The following PAX5 variants were observed in gnomAD, a reference collection of about 807,000 sequenced individuals.
PAX5 encodes paired box 5.
A neutral mutation model predicts 43.7 loss-of-function variants in PAX5; 9 were observed. The ratio of observed to expected loss-of-function variants is 0.21; its 90% CI spans 0.12 to 0.36. The LOEUF (loss-of-function observed/expected upper bound fraction) is 0.36, where lower values mean the gene tolerates loss of function less well. Among genes scored for constraint, PAX5 ranks in the 10% least tolerant of loss-of-function variants. The pLI is 1.00. For synonymous variants in PAX5, 228 were observed against 214.3 expected (o/e 1.06, Z -0.56); for missense variants, 383 against 532.7 (o/e 0.72, Z 2.77).
intron 5 of PAX5, among the ~76,000 whole-genome samples, chr9:36,973,108 A>C (rs12554970): frequency 0.012 from 1,030 of 83,598 alleles, 13 homozygotes; most frequent in African/African-American, 0.055. Context: ...AGGAAAGGAA[A>C]GGAAAGGAAA....
intron 6 of PAX5, among the ~76,000 whole-genome samples, chr9:36,955,178 C>T (rs1403752699): frequency 6.6e-6 from 1 of 152,040 alleles, no homozygotes; most frequent in Non-Finnish European, 1.5e-5. Context: ...AAATTGTCTG[C>T]TATCTTGGAT....
intron 7 of PAX5, among the ~76,000 whole-genome samples, chr9:36,910,204 A>T (rs1829153493): frequency 6.6e-6 from 1 of 152,224 alleles, no homozygotes; most frequent in Non-Finnish European, 1.5e-5. Context: ...CCCTCTGCCT[A>T]AACATGGTTA....
At chr9:36,978,468 C>T (rs1000139571) in intron 5 of PAX5, among the ~76,000 whole-genome samples, 9 of 151,928 alleles carry the variant, frequency 5.9e-5, no homozygotes, top group Non-Finnish European at 8.8e-5. Context: ...GGCCTTCATG[C>T]ACACAGCAGT....
chr9:36,902,586 A>G (rs1828499301), intron 7 of PAX5, among the ~76,000 whole-genome samples: 1 of 152,212 alleles, frequency 6.6e-6, no homozygotes, highest in African/African-American at 2.4e-5. Flanking sequence ...CCTGAAGCCC[A>G]GGTGGAGAGG....
chr9:36,835,534 C>T lies in PAX5; in HGVS notation c.*5026G>A. Reference sequence around the variant, plus strand: ...TCCCCCATGAATATGCAAGAGGGAACCCTGAGGTTTGGGGCAACAGGGGCA... The same window carrying T: ...TCCCCCATGAATATGCAAGAGGGAATCCTGAGGTTTGGGGCAACAGGGGCA... On this transcript the variant is annotated 3_prime_UTR_variant, in exon 10 of 10. Transcript: ENST00000358127. 4.3e-6 allele frequency: 1 copy of T among 233,302 alleles called. No homozygotes were observed. Among genetic ancestry groups the T allele is most frequent in the Middle Eastern group, 1.3e-3 (1 of 790 alleles). 14.5% of individuals were successfully genotyped at this position (233,302 alleles called of 1,614,324 possible).
intron 6 of PAX5, 140 bp from the exon 7 acceptor site, chr9:36,923,624 T>G: frequency 7.8e-6 from 7 of 898,784 alleles, no homozygotes; most frequent in Non-Finnish European, 1.0e-5. Context: ...CATGAACACT[T>G]CCAGTGTTGA....
intron 7 of PAX5, among the ~76,000 whole-genome samples, chr9:36,903,702 G>C (rs1828587441): frequency 6.6e-6 from 1 of 152,216 alleles, no homozygotes; most frequent in Non-Finnish European, 1.5e-5. Context: ...TGGTCAGGCT[G>C]CATGAGGTCT....
intron 6 of PAX5, among the ~76,000 whole-genome samples, chr9:36,928,176 T>C (rs1010455166): frequency 2.0e-5 from 3 of 152,224 alleles, no homozygotes; most frequent in Non-Finnish European, 4.4e-5. Context: ...CGTTTGTCCT[T>C]TTGAGGTGTC....
At chr9:37,012,221 TC>T (rs1267684649) in intron 3 of PAX5, among the ~76,000 whole-genome samples, 1 of 152,146 alleles carries the variant, frequency 6.6e-6, no homozygotes, top group Non-Finnish European at 1.5e-5. Flanking sequence ...ATACTTGTCC[TC>T]CCTCTTGTCT....
intron 5 of PAX5, among the ~76,000 whole-genome samples, chr9:36,981,186 C>CT (rs765442216): frequency 1.0e-4 from 4 of 39,930 alleles, no homozygotes; most frequent in Non-Finnish European, 2.7e-4. Flanking sequence ...AACAGCAAAG[C>CT]CCCCCCCCCC....
At position 36,863,355 on chromosome 9, in the gene PAX5, C is replaced by T. The variant is rs1039986443; in HGVS notation, c.1013-16426G>A. On this transcript the variant is annotated intron_variant, in intron 8 of 9. Transcript: ENST00000358127. ...CATAGCTCACTGCAGCCTCAAACTC[C>T]TGGTCTCACACGAGCCTCCCGCCTC... Among the ~76,000 whole-genome samples, 6 of 152,236 alleles carry T rather than the reference C, an allele frequency of 3.9e-5. No individual in the cohort carries two copies. The East Asian group carries it at 1.2e-3, about 29-fold the overall frequency.
intron 1 of PAX5, among the ~76,000 whole-genome samples, chr9:37,024,113 T>C (rs1279004426): frequency 6.6e-6 from 1 of 152,210 alleles, no homozygotes; most frequent in South Asian, 2.1e-4. Context: ...CTGACCTCAA[T>C]ATCATATTCT....
At chr9:36,843,971 G>T (rs1377386362) in intron 9 of PAX5, among the ~76,000 whole-genome samples, 2 of 152,246 alleles carry the variant, frequency 1.3e-5, no homozygotes, top group Admixed American at 6.5e-5. Flanking sequence ...TGTGGTGGGT[G>T]TTGTCCTGGC....
chr9:36,997,932 G>C (rs1837528123), intron 5 of PAX5, among the ~76,000 whole-genome samples: 1 of 152,240 alleles, frequency 6.6e-6, no homozygotes, highest in South Asian at 2.1e-4. Flanking sequence ...CAGAAGCATT[G>C]GCCACCCAGG....
chr9:36,980,605 GA>G (rs1835828554), intron 5 of PAX5, among the ~76,000 whole-genome samples: 1 of 152,060 alleles, frequency 6.6e-6, no homozygotes. Flanking sequence ...TCCAGACACA[GA>G]AGGGTTGGGG....
In PAX5 at chr9:36,982,644, C is replaced by CA. The variant is rs1836039221; in HGVS notation, c.605-15921dup. 4.6e-5 allele frequency among the ~76,000 whole-genome samples: 7 copies of CA among 152,306 alleles called. No homozygotes were observed. The South Asian group carries it at 1.4e-3, about 32-fold the overall frequency. ...GGATTTGGGGGCATGAAGGAAGAGG[C>CA]AAGGGGCATCCCAGACAAGGATAAG... On this transcript the variant is annotated intron_variant, in intron 5 of 9. Transcript: ENST00000358127.
intron 6 of PAX5, among the ~76,000 whole-genome samples, chr9:36,947,174 C>A (rs1265663077): frequency 6.6e-6 from 1 of 152,190 alleles, no homozygotes; most frequent in African/African-American, 2.4e-5. Context: ...CGTTCCCCTT[C>A]CTGGCAGCTC....
chr9:36,931,630 C>T (rs1258777823), intron 6 of PAX5, among the ~76,000 whole-genome samples: 1 of 152,120 alleles, frequency 6.6e-6, no homozygotes, highest in East Asian at 1.9e-4. Context: ...GGGCGGATCA[C>T]CTGAGATCAG....
At chr9:36,911,215 T>C (rs1376391089) in intron 7 of PAX5, among the ~76,000 whole-genome samples, 3 of 152,164 alleles carry the variant, frequency 2.0e-5, no homozygotes, top group Non-Finnish European at 4.4e-5. Context: ...GTAAGCCCAG[T>C]GAGGGCAGGG....
Sources: gnomAD v4.1 joint callset for allele counts (sites outside exome capture counted in the v4.1 genomes callset) on GRCh38, gnomAD v4.1.1 for gene constraint, MANE v1.5 for transcripts, NCBI Gene and HGNC (gene_info 2026-07-23, HGNC 2026-07-21) for gene names.